Variants in PCDH9 observed in about 807,000 individuals in gnomAD.
The protein encoded by PCDH9 is protocadherin 9.
Under a neutral mutation model 70.6 loss-of-function variants are expected in PCDH9, and 24 were observed. That is an observed-to-expected ratio of 0.34 (90% CI 0.25 to 0.48). The LOEUF (loss-of-function observed/expected upper bound fraction) is 0.48. Among genes scored for constraint, PCDH9 ranks in the 20% least tolerant of loss-of-function variants. The pLI is 0.99. For missense variants in PCDH9, 1,281 were observed against 1,503.6 expected, an observed-to-expected ratio of 0.85 and a Z score of 2.45; for synonymous variants, 562 against 558.5, an observed-to-expected ratio of 1.01 and a Z score of -0.09.
chr13:67,214,351 C>T (rs1196900560), intron 2 of PCDH9: 1 of 152,146 alleles, frequency 6.6e-6, no homozygotes, highest in Non-Finnish European at 1.5e-5. Flanking sequence ...GGGATGCTTT[C>T]CAGTCTATGG....
chr13:66,752,896 A>G (rs2079482753), intron 3 of PCDH9, among the ~76,000 whole-genome samples: 1 of 152,204 alleles, frequency 6.6e-6, no homozygotes, highest in Admixed American at 6.5e-5. Context: ...AGCTGTGGGA[A>G]GAACAAATGC....
chr13:66,421,601 C>A (rs1002853658), intron 4 of PCDH9, among the ~76,000 whole-genome samples: 1 of 152,156 alleles, frequency 6.6e-6, no homozygotes, highest in Non-Finnish European at 1.5e-5. Flanking sequence ...CTTTTACAGA[C>A]AAGCAAATGC....
chr13:66,475,954 T>G (rs1437584880), intron 4 of PCDH9, among the ~76,000 whole-genome samples: 2 of 152,128 alleles, frequency 1.3e-5, no homozygotes, highest in African/African-American at 4.8e-5. Context: ...CCTTGGACTT[T>G]ATCTTTTGTT....
At chr13:66,396,426 C>T (rs1008254555) in intron 4 of PCDH9, among the ~76,000 whole-genome samples, 1 of 152,166 alleles carries the variant, frequency 6.6e-6, no homozygotes, top group Admixed American at 6.5e-5. Context: ...GCTGGAGACC[C>T]GGACTAAGGC....
rs115099564 is a variant in PCDH9 at position 66,941,990 on chromosome 13, A to G, written c.3037-38385T>C. ...ATATTATCTGATCACAATGGGATTAAATAAAAATCAGCGACAGAAGGACTT... is the reference window on the plus strand; with the variant it reads ...ATATTATCTGATCACAATGGGATTAGATAAAAATCAGCGACAGAAGGACTT... On this transcript the variant is annotated intron_variant, in intron 2 of 4. Coordinates refer to ENST00000377865, the MANE Select transcript of PCDH9 (RefSeq NM_203487.3). Among the ~76,000 whole-genome samples the G allele has an allele frequency of 5.2e-3, 790 of 152,064 alleles. 11 individuals carry two copies. The highest frequency in any genetic ancestry group is 0.019 in the African/African-American group (771 of 41,560).
intron 4 of PCDH9, among the ~76,000 whole-genome samples, chr13:66,382,630 ATGAAG>A (rs1353416031): frequency 7.9e-5 from 12 of 152,232 alleles, no homozygotes; most frequent in African/African-American, 2.4e-4. Flanking sequence ...ATTTTTAGAG[ATGAAG>A]TGAACATTTA....
intron 3 of PCDH9, among the ~76,000 whole-genome samples, chr13:66,709,306 T>C (rs1462647613): frequency 6.6e-6 from 1 of 152,232 alleles, no homozygotes; most frequent in Non-Finnish European, 1.5e-5. Context: ...TTTACATTGC[T>C]ATTTTAAAAT....
At chr13:66,311,745 C>T (rs9564308) in intron 4 of PCDH9, among the ~76,000 whole-genome samples, 30,024 of 151,932 alleles carry the variant, frequency 0.2, 3,184 homozygotes, top group East Asian at 0.35. Flanking sequence ...TATTCTATGC[C>T]CAATCAATAC....
At chr13:66,390,429 A>G (rs1391247951) in intron 4 of PCDH9, among the ~76,000 whole-genome samples, 4 of 152,132 alleles carry the variant, frequency 2.6e-5, no homozygotes, top group Non-Finnish European at 4.4e-5. Flanking sequence ...TAGGACAGCT[A>G]GAGGTTTTGT....
At chr13:66,527,072 C>T (rs1424810966) in intron 4 of PCDH9, among the ~76,000 whole-genome samples, 1 of 152,140 alleles carries the variant, frequency 6.6e-6, no homozygotes, top group East Asian at 1.9e-4. Flanking sequence ...GATGCGAAAG[C>T]CAACTAGCAC....
intron 3 of PCDH9, among the ~76,000 whole-genome samples, chr13:66,694,706 T>G (rs1165909691): frequency 6.6e-6 from 1 of 151,956 alleles, no homozygotes; most frequent in Non-Finnish European, 1.5e-5. Context: ...TACTGTGATA[T>G]CATATATATT....
intron 3 of PCDH9, among the ~76,000 whole-genome samples, chr13:66,765,757 T>C (rs552427660): frequency 6.6e-6 from 1 of 152,188 alleles, no homozygotes; most frequent in African/African-American, 2.4e-5. Context: ...CATGTTTACT[T>C]TCACTCAGAT....
At chr13:67,087,972 A>G (rs1215936063) in intron 2 of PCDH9, among the ~76,000 whole-genome samples, 1 of 152,018 alleles carries the variant, frequency 6.6e-6, no homozygotes, top group African/African-American at 2.4e-5. Context: ...GCAAGCCAAG[A>G]CTGTCAAAAT....
At chr13:67,032,805 A>G (rs1388920300) in intron 2 of PCDH9, among the ~76,000 whole-genome samples, 1 of 152,178 alleles carries the variant, frequency 6.6e-6, no homozygotes, top group East Asian at 1.9e-4. Context: ...CAAGTTACTG[A>G]GTGACAATTT....
intron 4 of PCDH9, among the ~76,000 whole-genome samples, chr13:66,504,089 CT>C (rs1195677372): frequency 2.6e-5 from 4 of 152,186 alleles, no homozygotes; most frequent in African/African-American, 9.6e-5. Context: ...CCTTAATTCC[CT>C]GCCTCTCCCA....
chr13:67,114,705 T>C (rs1468116077), intron 2 of PCDH9, among the ~76,000 whole-genome samples: 1 of 152,214 alleles, frequency 6.6e-6, no homozygotes, highest in Non-Finnish European at 1.5e-5. Context: ...TAACAGTCCC[T>C]TCCATGCATT....
At chr13:66,663,850 C>T (rs1185950090) in intron 3 of PCDH9, among the ~76,000 whole-genome samples, 1 of 152,158 alleles carries the variant, frequency 6.6e-6, no homozygotes, top group Non-Finnish European at 1.5e-5. Flanking sequence ...TAAAATGAGG[C>T]ATATGTTAAA....
chr13:66,395,875 A>G (rs949040955), intron 4 of PCDH9, among the ~76,000 whole-genome samples: 1 of 152,136 alleles, frequency 6.6e-6, no homozygotes, highest in African/African-American at 2.4e-5. Flanking sequence ...GTTTTGTTGC[A>G]TATTTACTAT....
At chr13:66,922,891 A>G (rs2082659320) in intron 2 of PCDH9, among the ~76,000 whole-genome samples, 1 of 151,474 alleles carries the variant, frequency 6.6e-6, no homozygotes, top group South Asian at 2.1e-4. Context: ...TCATCTTTAA[A>G]AGAAAACTCA....
Sources: allele counts gnomAD v4.1 joint callset (sites outside exome capture counted in the v4.1 genomes callset), GRCh38; gene constraint gnomAD v4.1.1; transcripts MANE v1.5; gene names NCBI Gene and HGNC (gene_info 2026-07-23, HGNC 2026-07-21).